OTOA: variants seen among roughly 807,000 people sequenced by gnomAD.
OTOA encodes the protein otoancorin, also known as cancer/testis antigen 108.
OTOA carries 70 observed loss-of-function variants against 110.8 expected under a neutral mutation model. The observed-to-expected ratio is 0.63, with a 90% CI of 0.52 to 0.77. The LOEUF (loss-of-function observed/expected upper bound fraction) is 0.77, where lower values mean the gene tolerates loss of function less well. OTOA is among the 30% of genes least tolerant of loss of function. OTOA has a pLI of 0.00. For synonymous variants in OTOA, 373 were observed against 431.5 expected, an observed-to-expected ratio of 0.86 and a Z score of 1.68; for missense variants, 917 against 1,075.8, an observed-to-expected ratio of 0.85 and a Z score of 2.06.
chr16:21,670,333 C>T (rs1348484554), intron 1 of OTOA, among the ~76,000 whole-genome samples: 1 of 151,996 alleles, frequency 6.6e-6, no homozygotes, highest in Non-Finnish European at 1.5e-5. Context: ...GCAAATTATG[C>T]TCCTAATATC....
At chr16:21,688,224 C>A (rs1455245209) in intron 8 of OTOA, among the ~76,000 whole-genome samples, 1 of 151,886 alleles carries the variant, frequency 6.6e-6, no homozygotes, top group Non-Finnish European at 1.5e-5. Context: ...CACGTCTCTA[C>A]TAAAAATACA....
intron 21 of OTOA, among the ~76,000 whole-genome samples, chr16:21,735,460 GC>G (rs898367842): frequency 8.1e-4 from 123 of 152,098 alleles, no homozygotes; most frequent in African/African-American, 2.8e-3. Flanking sequence ...CTCTCACTGG[GC>G]CCCACCTCCA....
At chr16:21,697,037 C>CTT (rs56124254) in intron 9 of OTOA, among the ~76,000 whole-genome samples, 6,691 of 65,002 alleles carry the variant, frequency 0.1, 850 homozygotes, top group South Asian at 0.16. Flanking sequence ...CTACAGCTGG[C>CTT]TTTTTTTTTT....
chr16:21,710,177 A>G (rs1186539433), intron 13 of OTOA, 74 bp downstream of exon 13: 7 of 1,366,470 alleles, frequency 5.1e-6, no homozygotes, highest in African/African-American at 1.4e-5. Flanking sequence ...AGGCTGCCAT[A>G]AAAATATACT....
intron 1 of OTOA, among the ~76,000 whole-genome samples, chr16:21,666,100 G>A (rs1383135436): frequency 1.3e-5 from 2 of 152,088 alleles, no homozygotes; most frequent in African/African-American, 2.4e-5. Flanking sequence ...TGGGGTTACA[G>A]GAGTGAGCCA....
At chr16:21,716,827 C>T in intron 14 of OTOA, 80 bp from the exon 15 acceptor site, 1 of 1,553,246 alleles carries the variant, frequency 6.4e-7, no homozygotes, top group Non-Finnish European at 8.8e-7. Context: ...ATTTTATTGC[C>T]TGTGATGTAG....
At chr16:21,668,482 C>CA in intron 1 of OTOA, among the ~76,000 whole-genome samples, 1 of 125,652 alleles carries the variant, frequency 8.0e-6, no homozygotes, top group East Asian at 2.3e-4. Flanking sequence ...TTTTTGGAGA[C>CA]AGAGTTTCAC....
intron 13 of OTOA, 70 bp downstream of exon 13, chr16:21,710,173 C>A: frequency 7.1e-7 from 1 of 1,405,366 alleles, no homozygotes; most frequent in Non-Finnish European, 9.9e-7. Context: ...TGCCAGGCTG[C>A]CATAAAAATA....
At position 21,685,246 on chromosome 16, in the gene OTOA, AC is replaced by A; in HGVS notation, c.286del (p.Leu96TrpfsTer15). 1 of 1,612,460 alleles carries A rather than the reference AC, an allele frequency of 6.2e-7. No individual in the cohort carries two copies. The highest frequency in any genetic ancestry group is 8.5e-7 in the Non-Finnish European group (1 of 1,179,038). On this transcript the variant is annotated frameshift_variant, in exon 7 of 29. Coordinates refer to ENST00000646100, the MANE Select transcript of OTOA (RefSeq NM_144672.4). LOFTEE classifies it high-confidence loss of function. ...CAAATACAGGCAGCCGTGGAAAACC[AC>A]CTGGAGCAGCGTCTGCACCAGCCCC... The part of the protein sequence containing the change: ...IPSLQAAVEN[H>X]LEQRLHQPQK...
At chr16:21,692,315 A>G (rs1897846540) in intron 9 of OTOA, among the ~76,000 whole-genome samples, 1 of 151,812 alleles carries the variant, frequency 6.6e-6, no homozygotes, top group South Asian at 2.1e-4. Flanking sequence ...TGACAGAGCG[A>G]GACTCCGTCT....
intron 12 of OTOA, among the ~76,000 whole-genome samples, chr16:21,707,598 T>TTTCC (rs1898208220): frequency 2.6e-5 from 1 of 37,868 alleles, no homozygotes; most frequent in East Asian, 5.5e-4. Context: ...CTTCCTTTTC[T>TTTCC]TTCTTTCTTT....
At chr16:21,679,504 A>G (rs959555760) in intron 5 of OTOA, among the ~76,000 whole-genome samples, 7 of 152,034 alleles carry the variant, frequency 4.6e-5, no homozygotes, top group Non-Finnish European at 1.0e-4. Context: ...TCCGGGGTTC[A>G]AGCAATTTTC....
intron 1 of OTOA, among the ~76,000 whole-genome samples, chr16:21,677,936 G>A (rs1966863525): frequency 6.6e-6 from 1 of 151,796 alleles, no homozygotes; most frequent in African/African-American, 2.4e-5. Context: ...GCCCAGGCTG[G>A]AGTGCAGTGG....
intron 9 of OTOA, 30 bp from the exon 10 acceptor site, chr16:21,697,745 C>A (rs1358683797): frequency 1.3e-6 from 2 of 1,586,684 alleles, no homozygotes; most frequent in Admixed American, 1.7e-5. Context: ...TATGTATGTA[C>A]TCATTTATTC....
At chr16:21,710,867 G>C (rs768059566) in intron 13 of OTOA, among the ~76,000 whole-genome samples, 6 of 152,142 alleles carry the variant, frequency 3.9e-5, no homozygotes, top group Admixed American at 2.6e-4. Flanking sequence ...GCTGGGCGTG[G>C]TGGTGCATGC....
Position 21,664,173 on chromosome 16 carries a change from C to CCCCGCCCTGCGCCA in OTOA, c.-56_-43dup, listed in dbSNP as rs1272300579. ...CCCGCTCCCCGCATGAGCCCCGCGGCCCCGCCCTGCGCCACCCGCCCGCCC... is the reference window on the plus strand; with the variant it reads ...CCCGCTCCCCGCATGAGCCCCGCGGCCCCGCCCTGCGCCACCCGCCCTGCGCCACCCGCCCGCCC... On this transcript the variant is annotated 5_prime_UTR_variant, in exon 1 of 29. Coordinates refer to ENST00000646100, the MANE Select transcript of OTOA (RefSeq NM_144672.4). The CCCCGCCCTGCGCCA allele has an allele frequency of 1.3e-5, 2 of 152,232 alleles. No homozygotes were observed. The highest frequency in any genetic ancestry group is 2.9e-5 in the Non-Finnish European group (2 of 68,094). 9.4% of individuals were successfully genotyped at this position (152,232 alleles called of 1,614,324 possible). A position where few individuals can be genotyped will look rare whatever the true frequency, so the allele number is the denominator to read the frequency against.
rs1283005547 is a variant in OTOA, at chr16:21,690,990, G to A, written c.636-594G>A. Among the ~76,000 whole-genome samples, 10 of 48,540 alleles carry A rather than the reference G, an allele frequency of 2.1e-4. 1 individual carries two copies. Among genetic ancestry groups the A allele is most frequent in the South Asian group, 7.2e-4 (1 of 1,392 alleles). 31.8% of individuals were successfully genotyped at this position (48,540 alleles called of 152,430 possible). ...CTCCCCCCACCCCCCAACAGGCCCC[G>A]GTGTGTGATGTTCCCCTTGCTGTGC... On this transcript the variant is annotated intron_variant, in intron 8 of 28. Coordinates refer to ENST00000646100, the MANE Select transcript of OTOA (RefSeq NM_144672.4).
intron 18 of OTOA, among the ~76,000 whole-genome samples, chr16:21,724,563 C>T (rs1475931249): frequency 6.6e-6 from 1 of 151,998 alleles, no homozygotes. Flanking sequence ...AGCCACTACC[C>T]ACATAGAGGA....
chr16:21,678,767 G>A (rs1352261827), intron 2 of OTOA, 148 bp from the exon 3 acceptor site: 14 of 1,220,546 alleles, frequency 1.1e-5, no homozygotes, highest in South Asian at 9.9e-5. Flanking sequence ...TTCAAGCCAC[G>A]GTTTTCTCAG....
Sources: allele counts gnomAD v4.1 joint callset (sites outside exome capture counted in the v4.1 genomes callset), GRCh38; gene constraint gnomAD v4.1.1; transcripts MANE v1.5; gene names NCBI Gene and HGNC (gene_info 2026-07-23, HGNC 2026-07-21).